MAP4K4: variants seen among roughly 807,000 people sequenced by gnomAD.
MAP4K4 encodes the protein mitogen-activated protein kinase kinase kinase kinase 4.
In MAP4K4, 38 loss-of-function variants were observed where a neutral mutation model predicts 189.6. The observed-to-expected ratio is 0.20, with a 90% CI of 0.15 to 0.26. The LOEUF is 0.26. Ranked by LOEUF, MAP4K4 falls within the 10% of genes least tolerant of loss-of-function variation. The pLI, the probability that MAP4K4 is intolerant of heterozygous loss-of-function variation, is 1.00. For synonymous variants in MAP4K4, 610 were observed against 624.3 expected (o/e 0.98, Z 0.34); for missense variants, 1,054 against 1,726.9 (o/e 0.61, Z 6.91).
At chr2:101,892,894 C>A (rs376819613) in exon 33 of MAP4K4, 2 of 456,448 alleles carry the variant, frequency 4.4e-6, no homozygotes, top group African/African-American at 4.0e-5. Context: ...CACAGTCCTG[C>A]CATCTTACTT....
intron 2 of MAP4K4, among the ~76,000 whole-genome samples, chr2:101,747,172 G>A (rs1160745965): frequency 6.6e-6 from 1 of 152,118 alleles, no homozygotes; most frequent in African/African-American, 2.4e-5. Flanking sequence ...AGGCTGGAGT[G>A]CAGTGGTGCG....
intron 3 of MAP4K4, among the ~76,000 whole-genome samples, chr2:101,798,189 CA>C (rs1459434113): frequency 6.6e-6 from 1 of 151,686 alleles, no homozygotes; most frequent in African/African-American, 2.4e-5. Context: ...CTGGGATTTA[CA>C]GGTATGAGCC....
intron 26 of MAP4K4, among the ~76,000 whole-genome samples, chr2:101,876,720 A>G (rs984372093): frequency 1.3e-5 from 2 of 152,240 alleles, no homozygotes; most frequent in Non-Finnish European, 2.9e-5. Context: ...AGGAAGAACT[A>G]GAAACTAATG....
intron 2 of MAP4K4, among the ~76,000 whole-genome samples, chr2:101,737,461 A>AT (rs1173208424): frequency 1.0e-3 from 26 of 26,008 alleles, no homozygotes; most frequent in South Asian, 2.5e-3. Context: ...ATATATATAT[A>AT]TTTTTTTTTT....
intron 32 of MAP4K4, among the ~76,000 whole-genome samples, chr2:101,890,164 GTAAT>G (rs2150351628): frequency 6.6e-6 from 1 of 152,306 alleles, no homozygotes; most frequent in African/African-American, 2.4e-5. Flanking sequence ...GTTATATGAA[GTAAT>G]TAATACATTT....
intron 27 of MAP4K4, among the ~76,000 whole-genome samples, chr2:101,881,187 C>T (rs1372715704): frequency 1.3e-5 from 2 of 152,018 alleles, no homozygotes; most frequent in Non-Finnish European, 2.9e-5. Flanking sequence ...TAGCAAAGGG[C>T]TAATTTTATT....
At chr2:101,893,471 T>C (rs537530642) in exon 33 of MAP4K4, 10 of 341,338 alleles carry the variant, frequency 2.9e-5, no homozygotes, top group South Asian at 2.3e-4. Flanking sequence ...AATTCCTGCT[T>C]GTAATTTATA....
chr2:101,754,937 G>T (rs915571823), intron 2 of MAP4K4, among the ~76,000 whole-genome samples: 2 of 152,190 alleles, frequency 1.3e-5, no homozygotes, highest in Non-Finnish European at 2.9e-5. Context: ...CCAGTGAGTT[G>T]TATGAGGTCT....
At position 101,891,987 on chromosome 2, in the gene MAP4K4, TAAAAAAAAAAAAAAA is replaced by T. The variant is rs60620198; in HGVS notation, c.*752_*766del. 29 of 59,822 alleles carry T rather than the reference TAAAAAAAAAAAAAAA, an allele frequency of 4.8e-4. 1 individual carries two copies. Among genetic ancestry groups the T allele is most frequent in the African/African-American group, 2.0e-3 (28 of 13,666 alleles). 3.7% of individuals were successfully genotyped at this position (59,822 alleles called of 1,614,324 possible). A position where few individuals can be genotyped will look rare whatever the true frequency, so the allele number is the denominator to read the frequency against. Reference sequence around the variant, plus strand: ...TGCCTAAATCATGTGCAGATGGTTCTAAAAAAAAAAAAAAAAAAAAAAAAAAAAGGAAAAAAAAAA... The same window carrying T: ...TGCCTAAATCATGTGCAGATGGTTCTAAAAAAAAAAAAAGGAAAAAAAAAA... On this transcript the variant is annotated 3_prime_UTR_variant, in exon 33 of 33. Transcript: ENST00000324219.
At chr2:101,805,634 T>G (rs1237463162) in intron 3 of MAP4K4, among the ~76,000 whole-genome samples, 1 of 152,168 alleles carries the variant, frequency 6.6e-6, no homozygotes, top group African/African-American at 2.4e-5. Context: ...ATAGGGAAAA[T>G]ATTCACGTCT....
At chr2:101,768,113 T>A (rs1575200242) in intron 2 of MAP4K4, among the ~76,000 whole-genome samples, 2 of 152,244 alleles carry the variant, frequency 1.3e-5, no homozygotes, top group East Asian at 1.9e-4. Flanking sequence ...TTAAGCTGCC[T>A]CTCTAAGAAT....
chr2:101,721,179 A>C (rs370785610), intron 2 of MAP4K4, among the ~76,000 whole-genome samples: 1 of 152,224 alleles, frequency 6.6e-6, no homozygotes, highest in South Asian at 2.1e-4. Context: ...ATAAAAACTG[A>C]TACTAGAAAT....
intron 29 of MAP4K4, among the ~76,000 whole-genome samples, chr2:101,886,323 C>G (rs768225928): frequency 1.3e-5 from 2 of 152,156 alleles, no homozygotes; most frequent in Admixed American, 6.5e-5. Flanking sequence ...CCAGCACAAT[C>G]CAGGCTGTTG....
intron 12 of MAP4K4, among the ~76,000 whole-genome samples, chr2:101,847,664 A>G (rs1429559949): frequency 2.0e-5 from 3 of 152,260 alleles, no homozygotes; most frequent in Admixed American, 6.5e-5. Flanking sequence ...GTGTTTGTGT[A>G]TTAAACACAA....
chr2:101,893,287 A>T (rs1460341157), exon 33 of MAP4K4: 1 of 456,114 alleles, frequency 2.2e-6, no homozygotes, highest in Admixed American at 2.4e-5. Context: ...CTTTTTGGGG[A>T]AGTAAAAGAA....
At chr2:101,861,023 C>CA (rs1423099849) in intron 16 of MAP4K4, 37 bp downstream of exon 16, 3 of 1,548,422 alleles carry the variant, frequency 1.9e-6, no homozygotes, top group African/African-American at 1.4e-5. Flanking sequence ...TGAGGAGACT[C>CA]ATGCAACGGC....
chr2:101,864,064 AAGAC>A lies in MAP4K4; in HGVS notation c.2097+17_2097+20del, dbSNP rs776878002. 7 of 1,305,126 alleles carry A rather than the reference AAGAC, an allele frequency of 5.4e-6. No individual in the cohort carries two copies. The East Asian group carries it at 2.8e-4, about 52-fold the overall frequency. The allele number at this position is 1,305,126 out of a possible 1,614,324, so 80.8% of individuals were successfully genotyped here. A position where few individuals can be genotyped will look rare whatever the true frequency, so the allele number is the denominator to read the frequency against. On this transcript the variant is annotated intron_variant, in intron 17 of 32. Coordinates refer to ENST00000324219, the Ensembl canonical transcript of MAP4K4. The stretch of plus-strand genomic sequence containing the variant: ...GGTGCCTCCAAGGGTAAGGAGCAGA[AAGAC>A]AGATGTGTGCTGCTTTTTTCCTTTT...
intron 2 of MAP4K4, among the ~76,000 whole-genome samples, chr2:101,752,496 T>C (rs1322468443): frequency 6.6e-6 from 1 of 152,196 alleles, no homozygotes; most frequent in Non-Finnish European, 1.5e-5. Flanking sequence ...ATTCATATAG[T>C]GCCTAGCCTA....
In MAP4K4 at chr2:101,836,797, C is replaced by G. The variant is rs191823985; in HGVS notation, c.773+819C>G. On this transcript the variant is annotated intron_variant, in intron 9 of 32. Transcript: ENST00000324219. Reference sequence around the variant, plus strand: ...TTTCCTTCTCCTTGTAACTCTCATACATTTGTCAAACAGAGTACTGATACC... The same window carrying G: ...TTTCCTTCTCCTTGTAACTCTCATAGATTTGTCAAACAGAGTACTGATACC... 8.9e-4 allele frequency among the ~76,000 whole-genome samples: 136 copies of G among 152,268 alleles called. 1 individual carries two copies. The highest frequency in any genetic ancestry group is 1.4e-3 in the Non-Finnish European group (95 of 68,014).
Sources: gnomAD v4.1 joint callset for allele counts (sites outside exome capture counted in the v4.1 genomes callset) on GRCh38, gnomAD v4.1.1 for gene constraint, MANE v1.5 for transcripts, NCBI Gene and HGNC (gene_info 2026-07-23, HGNC 2026-07-21) for gene names.